The following NFATC3 variants were observed in gnomAD, a reference collection of about 807,000 sequenced individuals.
NFATC3 encodes the protein nuclear factor of activated T cells 3.
Under a neutral mutation model 98.6 loss-of-function variants are expected in NFATC3, and 46 were observed. The ratio of observed to expected loss-of-function variants is 0.47; its 90% CI spans 0.37 to 0.60. The LOEUF (loss-of-function observed/expected upper bound fraction) is 0.60. NFATC3 is among the 20% of genes least tolerant of loss of function. The probability of loss-of-function intolerance (pLI) is 0.00; values close to 1 mark genes in which losing one functional copy is unlikely to be tolerated. For synonymous variants in NFATC3, 512 were observed against 472.2 expected (o/e 1.08, Z -1.09); for missense variants, 1,256 against 1,295.5 (o/e 0.97, Z 0.47).
intron 4 of NFATC3, among the ~76,000 whole-genome samples, chr16:68,158,821 C>T (rs1310995152): frequency 6.6e-6 from 1 of 152,162 alleles, no homozygotes; most frequent in African/African-American, 2.4e-5. Context: ...CCATTGGAGT[C>T]AAATCCTCTT....
chr16:68,156,230 G>A (rs905594012), intron 3 of NFATC3, among the ~76,000 whole-genome samples: 2 of 152,264 alleles, frequency 1.3e-5, no homozygotes, highest in South Asian at 2.1e-4. Flanking sequence ...CAGGAGAATC[G>A]CTTGACCCTG....
chr16:68,172,189 G>A (rs1469739761), intron 5 of NFATC3, among the ~76,000 whole-genome samples: 1 of 152,150 alleles, frequency 6.6e-6, no homozygotes, highest in Non-Finnish European at 1.5e-5. Flanking sequence ...AATCGGGCTG[G>A]CGTCCCAATT....
chr16:68,155,060 A>G (rs1278613925), intron 3 of NFATC3, among the ~76,000 whole-genome samples: 2 of 152,238 alleles, frequency 1.3e-5, no homozygotes, highest in Non-Finnish European at 2.9e-5. Flanking sequence ...ACTGAAAACT[A>G]TCCTGGGTAA....
Position 68,085,416 on chromosome 16 carries a change from G to T in NFATC3, c.-266G>T. 1 of 276,096 alleles carries T rather than the reference G, an allele frequency of 3.6e-6. No individual in the cohort carries two copies. Among genetic ancestry groups the T allele is most frequent in the South Asian group, 9.5e-5 (1 of 10,548 alleles). The allele number at this position is 276,096 out of a possible 1,614,324, so 17.1% of individuals were successfully genotyped here. On this transcript the variant is annotated 5_prime_UTR_variant, in exon 1 of 10. Coordinates refer to ENST00000346183, the MANE Select transcript of NFATC3 (RefSeq NM_173165.3). ...GGCGGCGGTGGCGGCGACTGTGGGG[G>T]GGCGGCGGGGAACATTGGCTAAGCC... is the stretch of plus-strand genomic sequence containing the variant.
intron 3 of NFATC3, among the ~76,000 whole-genome samples, chr16:68,154,427 T>C (rs1300039242): frequency 6.6e-6 from 1 of 152,206 alleles, no homozygotes; most frequent in Non-Finnish European, 1.5e-5. Flanking sequence ...TCAGCACCCA[T>C]GATTTAAGTG....
chr16:68,206,284 A>G (rs2041140351), intron 9 of NFATC3, among the ~76,000 whole-genome samples: 1 of 152,244 alleles, frequency 6.6e-6, no homozygotes, highest in South Asian at 2.1e-4. Context: ...TTTTAAGTGT[A>G]TAGCTAAGTG....
chr16:68,202,016 G>A lies in NFATC3; in HGVS notation c.3106+10241G>A, dbSNP rs1006962450. On this transcript the variant is annotated intron_variant, in intron 9 of 9. Transcript: ENST00000346183. Reference sequence around the variant, plus strand: ...AGTATTGTGAAACTAGACTATCTTAGACCTTTAAATACAGGCCCATTTAAT... The same window carrying A: ...AGTATTGTGAAACTAGACTATCTTAAACCTTTAAATACAGGCCCATTTAAT... Among the ~76,000 whole-genome samples the A allele has an allele frequency of 4.9e-4, 64 of 130,392 alleles. 1 individual carries two copies. Among genetic ancestry groups the A allele is most frequent in the African/African-American group, 1.7e-3 (61 of 34,976 alleles). The allele number at this position is 130,392 out of a possible 152,430, so 85.5% of individuals were successfully genotyped here.
intron 9 of NFATC3, among the ~76,000 whole-genome samples, chr16:68,198,946 T>C (rs1030993925): frequency 1.3e-5 from 2 of 150,728 alleles, no homozygotes; most frequent in Non-Finnish European, 3.0e-5. Context: ...TACTCAGGAG[T>C]CTGAGGCAGG....
chr16:68,138,492 C>A, intron 3 of NFATC3: 1 of 1,262,570 alleles, frequency 7.9e-7, no homozygotes, highest in Non-Finnish European at 1.0e-6. Flanking sequence ...TTTGCATTTT[C>A]TTTCAAATTG....
At position 68,224,073 on chromosome 16, in the gene NFATC3, C is replaced by CAT. The variant is rs2041959056; in HGVS notation, c.3107-2277_3107-2276insAT. 4.7e-5 allele frequency among the ~76,000 whole-genome samples: 7 copies of CAT among 148,840 alleles called. 1 individual carries two copies. Among genetic ancestry groups the CAT allele is most frequent in the African/African-American group, 1.7e-4 (7 of 40,230 alleles). ...CGTCCTGGCTAACATGGTGAAACCCCGTCTCTACTAAAAATACAAAAAATT... is the reference window on the plus strand; with the variant it reads ...CGTCCTGGCTAACATGGTGAAACCCCATGTCTCTACTAAAAATACAAAAAATT... On this transcript the variant is annotated intron_variant, in intron 9 of 9. Coordinates refer to ENST00000346183, the MANE Select transcript of NFATC3 (RefSeq NM_173165.3).
intron 9 of NFATC3, chr16:68,209,511 C>T: frequency 4.2e-6 from 1 of 235,732 alleles, no homozygotes; most frequent in Non-Finnish European, 8.8e-6. Flanking sequence ...GTTAATACTG[C>T]TTTACAAGAG....
At chr16:68,137,246 T>A (rs1398001843) in intron 3 of NFATC3, among the ~76,000 whole-genome samples, 2 of 152,204 alleles carry the variant, frequency 1.3e-5, no homozygotes, top group Non-Finnish European at 2.9e-5. Flanking sequence ...TAAACATTTT[T>A]CTATGTTCAA....
intron 8 of NFATC3, among the ~76,000 whole-genome samples, chr16:68,189,621 G>A (rs1280695340): frequency 6.6e-6 from 1 of 152,104 alleles, no homozygotes; most frequent in Admixed American, 6.6e-5. Flanking sequence ...GCAATATTAA[G>A]TCTTCAATCC....
chr16:68,214,494 G>A (rs2041553186), intron 9 of NFATC3: 2 of 1,425,254 alleles, frequency 1.4e-6, no homozygotes, highest in African/African-American at 2.8e-5. Context: ...GCATGCAGTG[G>A]CTGGATTTGC....
intron 3 of NFATC3, among the ~76,000 whole-genome samples, chr16:68,126,853 A>G (rs1240400216): frequency 6.6e-6 from 1 of 152,184 alleles, no homozygotes; most frequent in Non-Finnish European, 1.5e-5. Flanking sequence ...TACAGTGGCC[A>G]AATAGCCGTT....
At chr16:68,098,427 G>A (rs1288084597) in intron 1 of NFATC3, among the ~76,000 whole-genome samples, 2 of 150,514 alleles carry the variant, frequency 1.3e-5, no homozygotes, top group African/African-American at 4.9e-5. Flanking sequence ...TCAGCCTCCC[G>A]AGTAGCTGGG....
chr16:68,148,366 G>T (rs916088414), intron 3 of NFATC3, among the ~76,000 whole-genome samples: 1 of 151,860 alleles, frequency 6.6e-6, no homozygotes, highest in East Asian at 1.9e-4. Flanking sequence ...TAGTTTTATG[G>T]AATAGTTTCC....
chr16:68,173,648 T>G (rs148743866), intron 5 of NFATC3, among the ~76,000 whole-genome samples: 1 of 152,358 alleles, frequency 6.6e-6, no homozygotes, highest in Non-Finnish European at 1.5e-5. Flanking sequence ...AGAACTTGTC[T>G]TCTCTTCATT....
At chr16:68,171,268 TA>T (rs2039445738) in intron 5 of NFATC3, among the ~76,000 whole-genome samples, 1 of 151,978 alleles carries the variant, frequency 6.6e-6, no homozygotes, top group South Asian at 2.1e-4. Flanking sequence ...CTTGGTCTCC[TA>T]AAGTGCTGGG....
Sources: gnomAD v4.1 joint callset for allele counts (sites outside exome capture counted in the v4.1 genomes callset) on GRCh38, gnomAD v4.1.1 for gene constraint, MANE v1.5 for transcripts, NCBI Gene and HGNC (gene_info 2026-07-23, HGNC 2026-07-21) for gene names.